XKR6: variants seen among roughly 807,000 people sequenced by gnomAD.
The protein encoded by XKR6 is XK related 6, also known as XK-related protein 6.
Under a neutral mutation model 56.7 loss-of-function variants are expected in XKR6, and 22 were observed. That is an observed-to-expected ratio of 0.39 (90% confidence interval 0.28 to 0.55). The LOEUF is 0.55. Among genes scored for constraint, XKR6 ranks in the 20% least tolerant of loss-of-function variants. XKR6 has a pLI of 0.66. For synonymous variants in XKR6, 524 were observed against 387.8 expected (o/e 1.35, Z -4.13); for missense variants, 852 against 889.0 (o/e 0.96, Z 0.53).
In XKR6 at chr8:11,006,865, C is replaced by T. The variant is rs570061725; in HGVS notation, c.765-82035G>A. Among the ~76,000 whole-genome samples the T allele has an allele frequency of 3.3e-5, 5 of 152,318 alleles. No individual in the cohort carries two copies. The South Asian group carries it at 1.0e-3, about 32-fold the overall frequency. On this transcript the variant is annotated intron_variant, in intron 1 of 2. Coordinates refer to ENST00000416569, the MANE Select transcript of XKR6 (RefSeq NM_173683.4). ...CTCCTCTCTCTTTGTTTATAGAAGC[C>T]CATCTCTATTCTAGCTGCAACACAG...
chr8:11,023,878 G>A (rs528187697), intron 1 of XKR6, among the ~76,000 whole-genome samples: 2 of 152,306 alleles, frequency 1.3e-5, no homozygotes, highest in Admixed American at 1.3e-4. Flanking sequence ...CAGCTAGGTG[G>A]ATTGGTTCCC....
At chr8:10,952,601 G>A (rs543566903) in intron 1 of XKR6, among the ~76,000 whole-genome samples, 61 of 152,290 alleles carry the variant, frequency 4.0e-4, no homozygotes, top group Non-Finnish European at 5.9e-4. Flanking sequence ...CCACAGACAC[G>A]TGCCACCATG....
chr8:11,173,538 A>C (rs1586651345), intron 1 of XKR6, among the ~76,000 whole-genome samples: 1 of 152,024 alleles, frequency 6.6e-6, no homozygotes, highest in South Asian at 2.1e-4. Context: ...ACGCGGCAGG[A>C]TGCTGGACAA....
intron 1 of XKR6, among the ~76,000 whole-genome samples, chr8:11,117,688 C>T (rs1799247349): frequency 6.6e-6 from 1 of 151,798 alleles, no homozygotes; most frequent in Non-Finnish European, 1.5e-5. Context: ...GACATAAACC[C>T]TAGGAGCCAA....
chr8:10,953,346 T>C (rs1166212901), intron 1 of XKR6, among the ~76,000 whole-genome samples: 1 of 152,116 alleles, frequency 6.6e-6, no homozygotes, highest in Non-Finnish European at 1.5e-5. Context: ...TGTGGCACCT[T>C]CTTTCTCTTG....
chr8:11,007,697 C>T (rs1261580269), intron 1 of XKR6, among the ~76,000 whole-genome samples: 3 of 152,148 alleles, frequency 2.0e-5, no homozygotes, highest in African/African-American at 7.2e-5. Context: ...AAAAGGAAAT[C>T]TACCCAGATC....
At chr8:11,060,664 G>C (rs555457322) in intron 1 of XKR6, among the ~76,000 whole-genome samples, 1 of 152,342 alleles carries the variant, frequency 6.6e-6, no homozygotes, top group East Asian at 1.9e-4. Flanking sequence ...GGGGAAGACA[G>C]GGAAGACAAA....
intron 1 of XKR6, among the ~76,000 whole-genome samples, chr8:10,960,912 CAAT>C (rs1462507391): frequency 1.3e-5 from 2 of 152,076 alleles, no homozygotes; most frequent in African/African-American, 2.4e-5. Flanking sequence ...AGTAAACAAA[CAAT>C]AAGAGCCATG....
chr8:11,083,067 G>A (rs1197875406), intron 1 of XKR6, among the ~76,000 whole-genome samples: 1 of 152,120 alleles, frequency 6.6e-6, no homozygotes, highest in Admixed American at 6.5e-5. Context: ...TTCTGATCCT[G>A]TGAGTCTCCT....
intron 2 of XKR6, among the ~76,000 whole-genome samples, chr8:10,906,534 A>G (rs1010971332): frequency 6.6e-6 from 1 of 152,258 alleles, no homozygotes; most frequent in Non-Finnish European, 1.5e-5. Flanking sequence ...AGGAAATAAT[A>G]TGCTGGTGAA....
Position 10,935,351 on chromosome 8 carries a change from C to G in XKR6, c.765-10521G>C, listed in dbSNP as rs1430033758. 4.0e-4 allele frequency among the ~76,000 whole-genome samples: 54 copies of G among 134,398 alleles called. 1 individual carries two copies. Among genetic ancestry groups the G allele is most frequent in the African/African-American group, 3.1e-5 (1 of 32,698 alleles). The allele number at this position is 134,398 out of a possible 152,430, so 88.2% of individuals were successfully genotyped here. On this transcript the variant is annotated intron_variant, in intron 1 of 2. Coordinates refer to ENST00000416569, the MANE Select transcript of XKR6 (RefSeq NM_173683.4). ...TTTGTTGATCCTTTCAAAAAACCAG[C>G]TCCTGGATTCATTGATTTTTTGAAG...
At chr8:11,019,814 A>G (rs1040804548) in intron 1 of XKR6, among the ~76,000 whole-genome samples, 9 of 152,204 alleles carry the variant, frequency 5.9e-5, no homozygotes, top group African/African-American at 2.2e-4. Flanking sequence ...TGAGGCTCAG[A>G]AGCTGTGGCC....
At chr8:11,020,960 A>C (rs1798736652) in intron 1 of XKR6, among the ~76,000 whole-genome samples, 1 of 152,180 alleles carries the variant, frequency 6.6e-6, no homozygotes, top group Non-Finnish European at 1.5e-5. Flanking sequence ...GGTACTATCT[A>C]AGGGTGAGCT....
At chr8:11,171,192 C>T (rs1802349651) in intron 1 of XKR6, among the ~76,000 whole-genome samples, 1 of 152,208 alleles carries the variant, frequency 6.6e-6, no homozygotes, top group Non-Finnish European at 1.5e-5. Context: ...ACCACACAGC[C>T]GACCTGTATA....
intron 1 of XKR6, chr8:11,109,504 G>A (rs568762583): frequency 6.6e-6 from 1 of 152,226 alleles, no homozygotes; most frequent in East Asian, 1.9e-4. Context: ...CTGCTAGGGT[G>A]GGCTATCCAA....
chr8:11,005,154 C>T (rs1271585020), intron 1 of XKR6, among the ~76,000 whole-genome samples: 1 of 142,716 alleles, frequency 7.0e-6, no homozygotes, highest in Non-Finnish European at 1.5e-5. Context: ...GGTAGTGTGT[C>T]CAGCATACAT....
intron 1 of XKR6, among the ~76,000 whole-genome samples, chr8:11,180,707 C>G (rs1041265756): frequency 1.3e-5 from 2 of 152,018 alleles, no homozygotes; most frequent in Non-Finnish European, 2.9e-5. Flanking sequence ...GAGTTCAAGC[C>G]CAGCCTGGGC....
In XKR6 at chr8:11,008,228, C is replaced by A. The variant is rs148225578; in HGVS notation, c.765-83398G>T. Among the ~76,000 whole-genome samples the A allele has an allele frequency of 2.7e-3, 416 of 152,214 alleles. 1 individual carries two copies. The highest frequency in any genetic ancestry group is 9.4e-3 in the African/African-American group (391 of 41,524). On this transcript the variant is annotated intron_variant, in intron 1 of 2. Coordinates refer to ENST00000416569, the MANE Select transcript of XKR6 (RefSeq NM_173683.4). ...TCTAGCTTGTCTTCCCCAATCCATC[C>A]CACCCCACCAGCCTCACTGGCCACT...
intron 1 of XKR6, among the ~76,000 whole-genome samples, chr8:11,014,989 C>A (rs189953994): frequency 7.6e-4 from 115 of 152,244 alleles, no homozygotes; most frequent in Middle Eastern, 3.4e-3. Context: ...TGGAACTTGC[C>A]AACAAGATGC....
Sources: gnomAD v4.1 joint callset for allele counts (sites outside exome capture counted in the v4.1 genomes callset) on GRCh38, gnomAD v4.1.1 for gene constraint, MANE v1.5 for transcripts, NCBI Gene and HGNC (gene_info 2026-07-23, HGNC 2026-07-21) for gene names.